PRUNE1: variants seen among roughly 807,000 people sequenced by gnomAD.
PRUNE1 encodes the protein prune exopolyphosphatase 1.
A neutral mutation model predicts 42.5 loss-of-function variants in PRUNE1; 25 were observed. The ratio of observed to expected loss-of-function variants is 0.59; its 90% CI spans 0.43 to 0.82. The LOEUF (loss-of-function observed/expected upper bound fraction) is 0.82, where lower values mean the gene tolerates loss of function less well. PRUNE1 is among the 40% of genes least tolerant of loss of function. The probability of loss-of-function intolerance (pLI) is 0.00; values close to 1 mark genes in which losing one functional copy is unlikely to be tolerated. For missense variants in PRUNE1, 443 were observed against 539.3 expected, an observed-to-expected ratio of 0.82 and a Z score of 1.77; for synonymous variants, 203 against 217.1, an observed-to-expected ratio of 0.93 and a Z score of 0.57.
At chr1:151,020,850 C>T (rs928594157) in intron 3 of PRUNE1, among the ~76,000 whole-genome samples, 9 of 151,694 alleles carry the variant, frequency 5.9e-5, no homozygotes, top group East Asian at 3.9e-4. Flanking sequence ...GGCATGGTGG[C>T]GGACGCCGAT....
At chr1:151,017,619 C>G (rs1180280315) in intron 1 of PRUNE1, among the ~76,000 whole-genome samples, 193 bp from the exon 2 acceptor site, 2 of 151,988 alleles carry the variant, frequency 1.3e-5, no homozygotes, top group Non-Finnish European at 2.9e-5. Context: ...TCCTGTAGTT[C>G]CAGCTACTCA....
Position 151,035,306 on chromosome 1 carries a change from TTGTC to T in PRUNE1, c.*1076_*1079del, listed in dbSNP as rs1444931060. 6.6e-6 allele frequency: 1 copy of T among 152,240 alleles called. No individual in the cohort carries two copies. The highest frequency in any genetic ancestry group is 1.9e-4 in the East Asian group (1 of 5,186). The allele number at this position is 152,240 out of a possible 1,614,324, so 9.4% of individuals were successfully genotyped here. On this transcript the variant is annotated 3_prime_UTR_variant, in exon 8 of 8. Transcript: ENST00000271620. ...CCTGGGGGTGCTCAGGTTCACTTGA[TTGTC>T]TGTATTTCTGTGTGGTTGTAGCAAG...
chr1:151,030,261 C>T (rs1333293475), intron 7 of PRUNE1, among the ~76,000 whole-genome samples: 1 of 133,876 alleles, frequency 7.5e-6, no homozygotes, highest in Non-Finnish European at 1.5e-5. Flanking sequence ...GACTCCGTCT[C>T]CAAAAAAAAA....
At chr1:151,028,453 C>T (rs950038703) in intron 6 of PRUNE1, among the ~76,000 whole-genome samples, 2 of 151,510 alleles carry the variant, frequency 1.3e-5, no homozygotes, top group Non-Finnish European at 2.9e-5. Flanking sequence ...GACGGAGTTT[C>T]GCTCTTGTCC....
chr1:151,023,570 T>C (rs1674616680), intron 3 of PRUNE1, among the ~76,000 whole-genome samples: 1 of 150,194 alleles, frequency 6.7e-6, no homozygotes, highest in Non-Finnish European at 1.5e-5. Context: ...ATACAAAAAT[T>C]AGCTGGGCCT....
intron 2 of PRUNE1, 67 bp from the exon 3 acceptor site, chr1:151,018,400 G>T (rs778713132): frequency 6.7e-6 from 9 of 1,343,128 alleles, no homozygotes; most frequent in Non-Finnish European, 7.5e-6. Context: ...TTTGGTCCCA[G>T]TAGTCTTGTT....
At chr1:151,014,986 G>T (rs2102902366) in intron 1 of PRUNE1, among the ~76,000 whole-genome samples, 1 of 152,176 alleles carries the variant, frequency 6.6e-6, no homozygotes, top group Non-Finnish European at 1.5e-5. Context: ...GAGCCCAGGA[G>T]TTCGAGATCA....
Position 151,034,336 on chromosome 1 carries a change from G to A in PRUNE1, c.*102G>A. On this transcript the variant is annotated 3_prime_UTR_variant, in exon 8 of 8. Transcript: ENST00000271620. Reference sequence around the variant, plus strand: ...CAGCAATTCTGTCTTCATTGCTCCAGGATCTGGTATACTGTTCTCATAAAA... The same window carrying A: ...CAGCAATTCTGTCTTCATTGCTCCAAGATCTGGTATACTGTTCTCATAAAA... 1 of 1,240,904 alleles carries A rather than the reference G, an allele frequency of 8.1e-7. No homozygotes were observed. Among genetic ancestry groups the A allele is most frequent in the Non-Finnish European group, 1.1e-6 (1 of 885,082 alleles). 76.9% of individuals were successfully genotyped at this position (1,240,904 alleles called of 1,614,324 possible).
At position 151,033,791 on chromosome 1, in the gene PRUNE1, T is replaced by C. The variant is rs748585612; in HGVS notation, c.934-15T>C. The C allele has an allele frequency of 1.6e-5, 26 of 1,602,996 alleles. No individual in the cohort carries two copies. Among genetic ancestry groups the C allele is most frequent in the African/African-American group, 6.7e-5 (5 of 74,506 alleles). On this transcript the variant is annotated splice_polypyrimidine_tract_variant and intron_variant, in intron 7 of 7. Coordinates refer to ENST00000271620, the MANE Select transcript of PRUNE1 (RefSeq NM_021222.3). ...CAAGTTGTGTATCATTTCCCTGTTA[T>C]TGTCTCCTCTTTAGATCTGTGAAGT...
chr1:151,030,222 CACTGT>C (rs1411207752), intron 7 of PRUNE1, among the ~76,000 whole-genome samples: 3 of 149,278 alleles, frequency 2.0e-5, no homozygotes, highest in African/African-American at 7.4e-5. Flanking sequence ...GAGATTGCGC[CACTGT>C]ACTCCATCCT....
At chr1:151,014,454 C>G (rs1673977284) in intron 1 of PRUNE1, among the ~76,000 whole-genome samples, 1 of 152,162 alleles carries the variant, frequency 6.6e-6, no homozygotes, top group Admixed American at 6.5e-5. Flanking sequence ...AAAAACCTAT[C>G]TCGTAACTGG....
intron 7 of PRUNE1, among the ~76,000 whole-genome samples, chr1:151,031,597 G>GT (rs1258499812): frequency 6.6e-6 from 1 of 152,138 alleles, no homozygotes; most frequent in Non-Finnish European, 1.5e-5. Flanking sequence ...TCTGGGCTCA[G>GT]TGTCAGTTTT....
In PRUNE1 at chr1:151,025,158, T is replaced by TAA. The variant is rs35413954; in HGVS notation, c.521-349_521-348dup. ...TTTCTTGTTCTCATTTTTCCACTTGTAAAAAAAAAGAGAGAGAGAGTGAGT... is the reference window on the plus strand; with the variant it reads ...TTTCTTGTTCTCATTTTTCCACTTGTAAAAAAAAAAAGAGAGAGAGAGTGAGT... On this transcript the variant is annotated intron_variant, in intron 4 of 7. Coordinates refer to ENST00000271620, the MANE Select transcript of PRUNE1 (RefSeq NM_021222.3). Among the ~76,000 whole-genome samples the TAA allele has an allele frequency of 3.8e-3, 567 of 150,240 alleles. 6 individuals carry two copies. Among genetic ancestry groups the TAA allele is most frequent in the African/African-American group, 0.012 (491 of 41,034 alleles).
chr1:151,029,647 G>T (rs587698899), intron 7 of PRUNE1, among the ~76,000 whole-genome samples: 1 of 151,492 alleles, frequency 6.6e-6, no homozygotes, highest in Non-Finnish European at 1.5e-5. Context: ...GATTACAGGC[G>T]TGAGCCACCG....
At chr1:151,024,358 G>A (rs145141376) in intron 3 of PRUNE1, among the ~76,000 whole-genome samples, 2,318 of 152,230 alleles carry the variant, frequency 0.015, 58 homozygotes, top group African/African-American at 0.05. Context: ...AGCTGGGCAT[G>A]TTGGCAGGCG....
chr1:151,019,433 A>G (rs989469859), intron 3 of PRUNE1, among the ~76,000 whole-genome samples: 15 of 151,246 alleles, frequency 9.9e-5, no homozygotes, highest in African/African-American at 3.4e-4. Flanking sequence ...GTGCATGCCT[A>G]TGGTCCCAGC....
chr1:151,030,003 C>T (rs1207636887), intron 7 of PRUNE1, among the ~76,000 whole-genome samples: 1 of 151,736 alleles, frequency 6.6e-6, no homozygotes, highest in Non-Finnish European at 1.5e-5. Flanking sequence ...GTGGCTCACA[C>T]CTGTAATCCC....
rs1674772312 is a variant in PRUNE1, at chr1:151,025,498, A to G, written c.521-17A>G. 6.2e-7 allele frequency: 1 copy of G among 1,609,888 alleles called. No individual in the cohort carries two copies. ...AGGGTCACAGGATTCAAGTTCCACC[A>G]TCTCCCTTCTCCACAGGAACCATCA... On this transcript the variant is annotated splice_polypyrimidine_tract_variant and intron_variant, in intron 4 of 7. Coordinates refer to ENST00000271620, the MANE Select transcript of PRUNE1 (RefSeq NM_021222.3).
chr1:151,016,357 C>T (rs1242350995), intron 1 of PRUNE1, among the ~76,000 whole-genome samples: 3 of 152,114 alleles, frequency 2.0e-5, no homozygotes, highest in African/African-American at 7.2e-5. Flanking sequence ...TAAGTACCTG[C>T]CTCATTGGGT....
Sources: allele counts gnomAD v4.1 joint callset (sites outside exome capture counted in the v4.1 genomes callset), GRCh38; gene constraint gnomAD v4.1.1; transcripts MANE v1.5; gene names NCBI Gene and HGNC (gene_info 2026-07-23, HGNC 2026-07-21).